The following GPC6 variants were observed in gnomAD, a reference collection of about 807,000 sequenced individuals.
The protein encoded by GPC6 is glypican-6.
GPC6 carries 14 observed loss-of-function variants against 55.2 expected under a neutral mutation model. The observed-to-expected ratio is 0.25, with a 90% CI of 0.17 to 0.40. The LOEUF (loss-of-function observed/expected upper bound fraction) is 0.40, where lower values mean the gene tolerates loss of function less well. Ranked by LOEUF, GPC6 falls within the 10% of genes least tolerant of loss-of-function variation. The pLI is 1.00. For missense variants in GPC6, 641 were observed against 708.5 expected (o/e 0.90, Z 1.08); for synonymous variants, 278 against 259.6 (o/e 1.07, Z -0.68).
At chr13:93,722,519 G>A (rs969880586) in intron 2 of GPC6, among the ~76,000 whole-genome samples, 1 of 151,686 alleles carries the variant, frequency 6.6e-6, no homozygotes, top group African/African-American at 2.4e-5. Context: ...AATGTAATTT[G>A]TCTGTTTACC....
chr13:94,303,366 A>T (rs1280069084), intron 5 of GPC6, among the ~76,000 whole-genome samples: 2 of 152,158 alleles, frequency 1.3e-5, no homozygotes, highest in Admixed American at 1.3e-4. Context: ...GTGTGAGCTA[A>T]GTTGCAAGCC....
chr13:93,433,223 G>A (rs530801712), intron 1 of GPC6, among the ~76,000 whole-genome samples: 1 of 152,142 alleles, frequency 6.6e-6, no homozygotes, highest in Non-Finnish European at 1.5e-5. Flanking sequence ...AAATCTTGCA[G>A]TCCATGAAAT....
intron 4 of GPC6, among the ~76,000 whole-genome samples, chr13:94,122,449 G>A (rs895354296): frequency 6.6e-6 from 1 of 152,054 alleles, no homozygotes; most frequent in Non-Finnish European, 1.5e-5. Context: ...GTCTCCCTGA[G>A]GTGTGTTAGG....
chr13:93,524,735 C>T (rs533597098), intron 1 of GPC6, among the ~76,000 whole-genome samples: 4 of 152,066 alleles, frequency 2.6e-5, no homozygotes, highest in Non-Finnish European at 5.9e-5. Flanking sequence ...CACTCAGCTA[C>T]ATGTGCTTTC....
chr13:93,463,982 T>C (rs1244068611), intron 1 of GPC6, among the ~76,000 whole-genome samples: 1 of 147,952 alleles, frequency 6.8e-6, no homozygotes, highest in African/African-American at 2.4e-5. Context: ...AAAGCAATTA[T>C]CAAAATAATT....
intron 2 of GPC6, among the ~76,000 whole-genome samples, chr13:93,639,022 G>T (rs1381653285): frequency 6.6e-6 from 1 of 151,864 alleles, no homozygotes; most frequent in Non-Finnish European, 1.5e-5. Flanking sequence ...ACAAGGAAAA[G>T]CAAAATAATG....
intron 6 of GPC6, among the ~76,000 whole-genome samples, chr13:94,327,376 T>C (rs1346651695): frequency 1.3e-5 from 2 of 152,098 alleles, no homozygotes; most frequent in East Asian, 1.9e-4. Context: ...GCCTTTTGCG[T>C]CTCTTTCCCA....
Position 94,294,435 on chromosome 13 carries a change from A to AC in GPC6, c.1008+7956_1008+7957insC, listed in dbSNP as rs1875205757. On this transcript the variant is annotated intron_variant, in intron 5 of 8. Transcript: ENST00000377047. ...TTCCCAATCCACAGCTCAAATGAAG[A>AC]TTAAAAAAAAAAAAAAAAAAACCCT... 6.9e-5 allele frequency among the ~76,000 whole-genome samples: 9 copies of AC among 129,868 alleles called. No individual in the cohort carries two copies. In the South Asian group the frequency reaches 2.6e-3, roughly 38 times the overall value. 85.2% of individuals were successfully genotyped at this position (129,868 alleles called of 152,430 possible).
At chr13:93,751,556 C>G (rs1177834301) in intron 2 of GPC6, among the ~76,000 whole-genome samples, 1 of 151,538 alleles carries the variant, frequency 6.6e-6, no homozygotes, top group Non-Finnish European at 1.5e-5. Context: ...GGGTTTTACT[C>G]TGTCACCCAG....
chr13:94,357,547 G>A (rs778088408), intron 6 of GPC6, among the ~76,000 whole-genome samples: 18 of 152,312 alleles, frequency 1.2e-4, no homozygotes, highest in Non-Finnish European at 2.6e-4. Context: ...ATGGTACCCA[G>A]GCCTTGAGAA....
chr13:93,309,625 T>C (rs1878994450), intron 1 of GPC6, among the ~76,000 whole-genome samples: 1 of 152,198 alleles, frequency 6.6e-6, no homozygotes, highest in Non-Finnish European at 1.5e-5. Context: ...ACAGCAAGTA[T>C]ATTAACTTGG....
intron 2 of GPC6, among the ~76,000 whole-genome samples, chr13:93,627,047 C>T (rs1316005720): frequency 6.6e-6 from 1 of 151,948 alleles, no homozygotes; most frequent in African/African-American, 2.4e-5. Context: ...GGTACATGTG[C>T]AGAACATGCA....
chr13:93,852,726 T>C (rs994725489), intron 3 of GPC6, among the ~76,000 whole-genome samples: 1 of 151,606 alleles, frequency 6.6e-6, no homozygotes, highest in Non-Finnish European at 1.5e-5. Flanking sequence ...TGTGATTCTG[T>C]TACTTGAAAT....
intron 4 of GPC6, among the ~76,000 whole-genome samples, chr13:94,152,388 T>G (rs1451826683): frequency 6.6e-6 from 1 of 152,184 alleles, no homozygotes; most frequent in Non-Finnish European, 1.5e-5. Flanking sequence ...TTAAATTTGC[T>G]GCTTCTCAAT....
At chr13:93,246,465 G>GTTT (rs1876604537) in intron 1 of GPC6, among the ~76,000 whole-genome samples, 2 of 151,868 alleles carry the variant, frequency 1.3e-5, no homozygotes, top group African/African-American at 4.8e-5. Context: ...TCTTTGCAAA[G>GTTT]AAAACACCTT....
At chr13:94,318,203 A>C (rs2139126372) in intron 6 of GPC6, among the ~76,000 whole-genome samples, 1 of 152,208 alleles carries the variant, frequency 6.6e-6, no homozygotes, top group Non-Finnish European at 1.5e-5. Context: ...TTTTTGTCTT[A>C]TCTGTTTGCT....
chr13:94,377,293 T>A (rs1194349022), intron 6 of GPC6, among the ~76,000 whole-genome samples: 4 of 124,558 alleles, frequency 3.2e-5, no homozygotes, highest in Non-Finnish European at 6.7e-5. Context: ...TGCAACCTAC[T>A]CATCTGACAA....
intron 4 of GPC6, among the ~76,000 whole-genome samples, chr13:94,103,974 A>G (rs2138829817): frequency 6.6e-6 from 1 of 152,236 alleles, no homozygotes; most frequent in East Asian, 1.9e-4. Flanking sequence ...TATGTCCTGA[A>G]TGGTATTGCC....
intron 2 of GPC6, among the ~76,000 whole-genome samples, chr13:93,596,367 G>T (rs932552298): frequency 4.6e-5 from 7 of 152,016 alleles, no homozygotes; most frequent in Non-Finnish European, 8.8e-5. Flanking sequence ...CAGAGAATTG[G>T]CCAGGCAGGA....
Sources: allele counts gnomAD v4.1 joint callset (sites outside exome capture counted in the v4.1 genomes callset), GRCh38; gene constraint gnomAD v4.1.1; transcripts MANE v1.5; gene names NCBI Gene and HGNC (gene_info 2026-07-23, HGNC 2026-07-21).